Variants in MACROD2 observed in about 807,000 individuals in gnomAD.
The protein encoded by MACROD2 is mono-ADP ribosylhydrolase 2.
MACROD2 carries 36 observed loss-of-function variants against 70.4 expected under a neutral mutation model. That is an observed-to-expected ratio of 0.51 (90% CI 0.39 to 0.68). The LOEUF is 0.68. Among genes scored for constraint, MACROD2 ranks in the 30% least tolerant of loss-of-function variants. The probability of loss-of-function intolerance (pLI) is 0.00; values close to 1 mark genes in which losing one functional copy is unlikely to be tolerated. For missense variants in MACROD2, 496 were observed against 538.4 expected (o/e 0.92, Z 0.78); for synonymous variants, 172 against 178.8 (o/e 0.96, Z 0.30).
At chr20:15,367,412 A>G (rs1306994504) in intron 6 of MACROD2, among the ~76,000 whole-genome samples, 1 of 152,192 alleles carries the variant, frequency 6.6e-6, no homozygotes, top group African/African-American at 2.4e-5. Flanking sequence ...TCTTGGGAGA[A>G]TCAAAGCATG....
intron 3 of MACROD2, among the ~76,000 whole-genome samples, chr20:14,335,359 G>T (rs2082917481): frequency 6.6e-6 from 1 of 152,150 alleles, no homozygotes; most frequent in Non-Finnish European, 1.5e-5. Flanking sequence ...TGCTAACAAA[G>T]TCTGACAGCC....
At chr20:15,901,818 C>T (rs1043195771) in intron 10 of MACROD2, among the ~76,000 whole-genome samples, 1 of 152,062 alleles carries the variant, frequency 6.6e-6, no homozygotes, top group Non-Finnish European at 1.5e-5. Flanking sequence ...AGTTATCGGC[C>T]CTCAGTTCAG....
intron 5 of MACROD2, among the ~76,000 whole-genome samples, chr20:14,925,361 G>C (rs1157339867): frequency 6.6e-6 from 1 of 152,148 alleles, no homozygotes; most frequent in East Asian, 1.9e-4. Context: ...TCTGCCCTCA[G>C]ATAGTGGTTA....
chr20:14,182,873 A>C (rs990234477), intron 3 of MACROD2, among the ~76,000 whole-genome samples: 4 of 151,760 alleles, frequency 2.6e-5, no homozygotes, highest in African/African-American at 9.7e-5. Flanking sequence ...GCTCCTTCTC[A>C]TCATTCACAC....
intron 15 of MACROD2, among the ~76,000 whole-genome samples, chr20:16,010,701 C>CT (rs1280959269): frequency 6.6e-6 from 1 of 152,132 alleles, no homozygotes; most frequent in African/African-American, 2.4e-5. Flanking sequence ...AGCTTAGAGT[C>CT]TGTTTGGGAG....
At chr20:15,479,361 C>T (rs1426143198) in intron 7 of MACROD2, among the ~76,000 whole-genome samples, 2 of 148,852 alleles carry the variant, frequency 1.3e-5, no homozygotes, top group Non-Finnish European at 3.0e-5. Context: ...CAAGCTCCGC[C>T]TCCCGGGTTC....
At chr20:14,659,777 T>G (rs1337839374) in intron 4 of MACROD2, among the ~76,000 whole-genome samples, 1 of 152,156 alleles carries the variant, frequency 6.6e-6, no homozygotes, top group Non-Finnish European at 1.5e-5. Flanking sequence ...CTCCTTAAAA[T>G]AAATCAAACA....
chr20:14,166,504 T>G (rs1277158523), intron 3 of MACROD2, among the ~76,000 whole-genome samples: 1 of 152,218 alleles, frequency 6.6e-6, no homozygotes, highest in African/African-American at 2.4e-5. Flanking sequence ...TCTTTCAAGT[T>G]AATTCAATAA....
chr20:15,936,682 T>TAC (rs1223827618), intron 11 of MACROD2, among the ~76,000 whole-genome samples: 1 of 150,414 alleles, frequency 6.6e-6, no homozygotes, highest in African/African-American at 2.4e-5. Context: ...TATATATATA[T>TAC]ATATATTCAT....
intron 6 of MACROD2, among the ~76,000 whole-genome samples, chr20:15,409,855 A>C (rs2146322441): frequency 6.6e-6 from 1 of 152,302 alleles, no homozygotes; most frequent in Middle Eastern, 3.4e-3. Flanking sequence ...ACATGGGAAC[A>C]GTGAGCTTTG....
At chr20:14,897,014 T>C (rs905499392) in intron 5 of MACROD2, among the ~76,000 whole-genome samples, 1 of 152,176 alleles carries the variant, frequency 6.6e-6, no homozygotes, top group Admixed American at 6.5e-5. Context: ...TGGCCCAAAA[T>C]GGACATGGTG....
chr20:14,183,975 A>G (rs1245909132), intron 3 of MACROD2, among the ~76,000 whole-genome samples: 1 of 152,004 alleles, frequency 6.6e-6, no homozygotes, highest in Non-Finnish European at 1.5e-5. Flanking sequence ...ATTTTCTTTC[A>G]TTCTCTAGGT....
At chr20:14,818,559 C>T (rs2072800441) in intron 5 of MACROD2, among the ~76,000 whole-genome samples, 1 of 151,968 alleles carries the variant, frequency 6.6e-6, no homozygotes, top group Non-Finnish European at 1.5e-5. Context: ...CATGAAGATT[C>T]CAGGTTCACC....
chr20:14,214,491 CT>C (rs2081597851), intron 3 of MACROD2, among the ~76,000 whole-genome samples: 2 of 151,436 alleles, frequency 1.3e-5, no homozygotes, highest in Non-Finnish European at 2.9e-5. Context: ...TGCCTAAACT[CT>C]TTAAAGTTTT....
intron 10 of MACROD2, among the ~76,000 whole-genome samples, chr20:15,908,241 C>T (rs1038588547): frequency 1.3e-5 from 2 of 152,150 alleles, no homozygotes. Context: ...GGGAAAAGTA[C>T]TAAGGACAAA....
intron 6 of MACROD2, among the ~76,000 whole-genome samples, chr20:15,241,762 CAAAA>C (rs200361392): frequency 3.2e-5 from 3 of 92,608 alleles, no homozygotes; most frequent in Middle Eastern, 5.9e-3. Context: ...GTATTTCTCT[CAAAA>C]AAAAAAAAAA....
Position 14,293,408 on chromosome 20 carries a change from A to G in MACROD2, c.272-200071A>G, listed in dbSNP as rs146677284. Among the ~76,000 whole-genome samples, 755 of 151,952 alleles carry G rather than the reference A, an allele frequency of 5.0e-3. 5 individuals are homozygous for G. The highest frequency in any genetic ancestry group is 9.3e-3 in the South Asian group (45 of 4,822). On this transcript the variant is annotated intron_variant, in intron 3 of 17. Transcript: ENST00000684519. ...TTGAGGCAGGGGCTGTGGGTGCCTT[A>G]TATTAGTAAGAATGATCAGAAAAAG...
At chr20:14,750,615 A>T (rs1227753822) in intron 5 of MACROD2, among the ~76,000 whole-genome samples, 2 of 151,968 alleles carry the variant, frequency 1.3e-5, no homozygotes, top group African/African-American at 4.8e-5. Flanking sequence ...GCATGCCACC[A>T]CACCCAAATA....
intron 3 of MACROD2, among the ~76,000 whole-genome samples, chr20:14,231,958 A>G (rs1222101377): frequency 6.6e-6 from 1 of 152,106 alleles, no homozygotes; most frequent in Non-Finnish European, 1.5e-5. Context: ...GTGTCTGTTC[A>G]TGTCCTTCTC....
Sources: allele counts gnomAD v4.1 joint callset (sites outside exome capture counted in the v4.1 genomes callset), GRCh38; gene constraint gnomAD v4.1.1; transcripts MANE v1.5; gene names NCBI Gene and HGNC (gene_info 2026-07-23, HGNC 2026-07-21).